ARHGEF4: variants seen among roughly 807,000 people sequenced by gnomAD.
ARHGEF4 encodes the protein APC-stimulated guanine nucleotide exchange factor 1.
Under a neutral mutation model 162.0 loss-of-function variants are expected in ARHGEF4, and 119 were observed. The observed-to-expected ratio is 0.73, with a 90% CI of 0.63 to 0.86. The LOEUF (loss-of-function observed/expected upper bound fraction) is 0.86. Among genes scored for constraint, ARHGEF4 ranks in the 40% least tolerant of loss-of-function variants. The pLI, the probability that ARHGEF4 is intolerant of heterozygous loss-of-function variation, is 0.00. For missense variants in ARHGEF4, 2,488 were observed against 2,456.0 expected, an observed-to-expected ratio of 1.01 and a Z score of -0.28; for synonymous variants, 1,014 against 979.9, an observed-to-expected ratio of 1.03 and a Z score of -0.65.
At chr2:130,928,816 A>T (rs1407410670) in intron 2 of ARHGEF4, among the ~76,000 whole-genome samples, 1 of 152,140 alleles carries the variant, frequency 6.6e-6, no homozygotes, top group Non-Finnish European at 1.5e-5. Flanking sequence ...CTTTAGTCAA[A>T]CTCAGATTAT....
chr2:130,923,882 T>C (rs1425828802), intron 2 of ARHGEF4, among the ~76,000 whole-genome samples: 2 of 55,248 alleles, frequency 3.6e-5, no homozygotes, highest in African/African-American at 6.9e-5. Context: ...ATTCTTTTCT[T>C]TTCTTTTTTT....
At chr2:130,970,400 C>T (rs1243881857) in intron 4 of ARHGEF4, among the ~76,000 whole-genome samples, 1 of 152,016 alleles carries the variant, frequency 6.6e-6, no homozygotes, top group East Asian at 1.9e-4. Context: ...ACCAGCCTGA[C>T]CAACATGGTA....
chr2:130,976,370 T>C (rs1005715790), intron 4 of ARHGEF4, among the ~76,000 whole-genome samples: 2 of 151,216 alleles, frequency 1.3e-5, no homozygotes, highest in African/African-American at 2.4e-5. Context: ...TGTGTGTGTG[T>C]ACACATCTGT....
intron 1 of ARHGEF4, among the ~76,000 whole-genome samples, chr2:130,887,051 A>G (rs1198518562): frequency 6.6e-6 from 1 of 152,078 alleles, no homozygotes; most frequent in Non-Finnish European, 1.5e-5. Flanking sequence ...TAGTCTTAAA[A>G]GTCTTGAAAT....
intron 3 of ARHGEF4, among the ~76,000 whole-genome samples, chr2:130,936,950 C>A (rs1348152665): frequency 1.5e-5 from 2 of 129,236 alleles, no homozygotes; most frequent in East Asian, 2.3e-4. Context: ...TCTTGTTGCC[C>A]AGGCTGGAGC....
intron 4 of ARHGEF4, among the ~76,000 whole-genome samples, chr2:131,007,210 G>A (rs1298885538): frequency 6.6e-6 from 1 of 152,178 alleles, no homozygotes; most frequent in Admixed American, 6.5e-5. Flanking sequence ...ATCCCTGACT[G>A]TCCCCAGCCT....
chr2:130,969,784 A>C (rs62178905), intron 4 of ARHGEF4, among the ~76,000 whole-genome samples: 7,218 of 152,216 alleles, frequency 0.047, 187 homozygotes, highest in Middle Eastern at 0.071. Flanking sequence ...AACATGAGTG[A>C]GGCCCTTTGT....
In ARHGEF4 at chr2:130,957,624, C is replaced by A. The variant is rs556523589; in HGVS notation, c.3985+10989C>A. Among the ~76,000 whole-genome samples the A allele has an allele frequency of 5.3e-5, 8 of 152,234 alleles. No homozygotes were observed. In the East Asian group the frequency reaches 1.5e-3, roughly 29 times the overall value. On this transcript the variant is annotated intron_variant, in intron 4 of 13. Transcript: ENST00000409359. ...GGATGTTTGTGTTCCTCCAAAAATT[C>A]ATGTGTCGAAATCCTATACCCCGAT...
intron 4 of ARHGEF4, among the ~76,000 whole-genome samples, chr2:130,953,283 C>T (rs1012715159): frequency 6.6e-6 from 1 of 151,990 alleles, no homozygotes; most frequent in Non-Finnish European, 1.5e-5. Flanking sequence ...CTTTGACAAA[C>T]CTGACAAAAA....
intron 4 of ARHGEF4, chr2:131,011,675 G>C (rs1329113317): frequency 1.2e-5 from 18 of 1,534,292 alleles, no homozygotes; most frequent in Admixed American, 2.0e-5. Flanking sequence ...GAGCTGATGG[G>C]GGTGGGGTAG....
Position 130,917,304 on chromosome 2 carries a change from C to G in ARHGEF4, c.3358C>G (p.Leu1120Val). The change falls in exon 2 of 14, where the codon CTT becomes GTT. Residue 1120 changes from leucine (L) to valine (V), a missense_variant. Coordinates refer to ENST00000409359, the MANE Select transcript of ARHGEF4 (RefSeq NM_001367493.1). ...GRGSAISMVS[L>V]GSYSYVDSSS... ...GGGTAGCGCCATCTCCATGGTTTCT[C>G]TTGGAAGCTACAGCTACGTGGACAG... 1 of 1,550,598 alleles carries G rather than the reference C, an allele frequency of 6.4e-7. No homozygotes were observed. The highest frequency in any genetic ancestry group is 1.2e-5 in the South Asian group (1 of 84,064).
intron 4 of ARHGEF4, among the ~76,000 whole-genome samples, chr2:130,998,752 A>G (rs1475606043): frequency 6.6e-6 from 1 of 152,262 alleles, no homozygotes; most frequent in Non-Finnish European, 1.5e-5. Flanking sequence ...CAAGTTTGTC[A>G]GTAATGAATA....
intron 1 of ARHGEF4, among the ~76,000 whole-genome samples, chr2:130,903,309 A>G (rs1445163453): frequency 1.4e-5 from 2 of 148,126 alleles, no homozygotes; most frequent in East Asian, 2.0e-4. Context: ...ACCAGGCTAG[A>G]GTGCAGTGGC....
intron 1 of ARHGEF4, among the ~76,000 whole-genome samples, chr2:130,891,393 A>T: frequency 6.6e-6 from 1 of 152,236 alleles, no homozygotes; most frequent in South Asian, 2.1e-4. Context: ...TTTAGATCAC[A>T]GGTTGGCAAA....
rs1286160972 is a variant in ARHGEF4 at position 130,916,100 on chromosome 2, C to A, written c.2154C>A (p.Val718=). ...AQAAELGRVL[V]PQAASEETPS... ...CCGCAGAGCTTGGGAGAGTGCTGGT[C>A]CCCCAAGCTGCTTCGGAAGAGACGC... The change falls in exon 2 of 14, where the codon GTC becomes GTA. Residue 718 remains valine, a synonymous_variant. Coordinates refer to ENST00000409359, the MANE Select transcript of ARHGEF4 (RefSeq NM_001367493.1). 2 of 1,550,026 alleles carry A rather than the reference C, an allele frequency of 1.3e-6. No homozygotes were observed. The highest frequency in any genetic ancestry group is 2.0e-5 in the Admixed American group (1 of 50,994).
intron 4 of ARHGEF4, among the ~76,000 whole-genome samples, chr2:130,966,488 C>T (rs1685012856): frequency 6.6e-6 from 1 of 152,242 alleles, no homozygotes. Context: ...GCACTCTCTA[C>T]ATGCCAGGCA....
At chr2:130,978,507 G>T (rs1413245347) in intron 4 of ARHGEF4, among the ~76,000 whole-genome samples, 1 of 152,186 alleles carries the variant, frequency 6.6e-6, no homozygotes, top group East Asian at 1.9e-4. Flanking sequence ...AGTTGGCTTT[G>T]CTGGAACATC....
intron 4 of ARHGEF4, among the ~76,000 whole-genome samples, chr2:130,971,843 C>T (rs1685393523): frequency 6.6e-6 from 1 of 152,174 alleles, no homozygotes; most frequent in Admixed American, 6.5e-5. Context: ...TCCACCAGAC[C>T]TCACTGCAGT....
chr2:130,872,677 G>C (rs1355703795), intron 1 of ARHGEF4, among the ~76,000 whole-genome samples: 1 of 152,224 alleles, frequency 6.6e-6, no homozygotes, highest in Non-Finnish European at 1.5e-5. Flanking sequence ...TTTCCTGCCA[G>C]ATCCTCAGCA....
Sources: gnomAD v4.1 joint callset for allele counts (sites outside exome capture counted in the v4.1 genomes callset) on GRCh38, gnomAD v4.1.1 for gene constraint, MANE v1.5 for transcripts, NCBI Gene and HGNC (gene_info 2026-07-23, HGNC 2026-07-21) for gene names.